DOCK2: variants seen among roughly 807,000 people sequenced by gnomAD.
The protein encoded by DOCK2 is dedicator of cytokinesis protein 2.
A neutral mutation model predicts 248.9 loss-of-function variants in DOCK2; 87 were observed. That is an observed-to-expected ratio of 0.35 (90% CI 0.29 to 0.42). The LOEUF is 0.42. Among genes scored for constraint, DOCK2 ranks in the 10% least tolerant of loss-of-function variants. DOCK2 has a pLI of 1.00. For synonymous variants in DOCK2, 805 were observed against 821.6 expected (o/e 0.98, Z 0.35); for missense variants, 1,747 against 2,300.2 (o/e 0.76, Z 4.92).
chr5:169,997,656 A>T (rs1307998776), intron 30 of DOCK2, among the ~76,000 whole-genome samples: 1 of 149,856 alleles, frequency 6.7e-6, no homozygotes, highest in Non-Finnish European at 1.5e-5. Flanking sequence ...CACCGCCCTT[A>T]ATCCATTCAA....
intron 3 of DOCK2, 55 bp downstream of exon 3, chr5:169,669,383 G>A (rs1758915649): frequency 5.0e-6 from 8 of 1,591,966 alleles, no homozygotes; most frequent in Admixed American, 5.0e-5. Flanking sequence ...ATATGGCCCC[G>A]CTATCCCATC....
chr5:169,826,820 G>A (rs956590410), intron 26 of DOCK2, among the ~76,000 whole-genome samples: 2 of 152,102 alleles, frequency 1.3e-5, no homozygotes, highest in Non-Finnish European at 2.9e-5. Flanking sequence ...TCAGGACACC[G>A]TCTCACATTT....
chr5:169,803,570 C>T (rs1767133093), intron 26 of DOCK2, among the ~76,000 whole-genome samples: 1 of 152,166 alleles, frequency 6.6e-6, no homozygotes. Context: ...TGTCTGCTTT[C>T]TTAGCTGATT....
chr5:169,990,549 C>T (rs1467812475), intron 29 of DOCK2, among the ~76,000 whole-genome samples: 1 of 152,178 alleles, frequency 6.6e-6, no homozygotes, highest in African/African-American at 2.4e-5. Flanking sequence ...GAACCGTGTC[C>T]TGTCACTGAG....
intron 27 of DOCK2, among the ~76,000 whole-genome samples, chr5:169,914,360 A>G (rs1486241780): frequency 2.6e-5 from 4 of 152,286 alleles, no homozygotes; most frequent in Middle Eastern, 3.4e-3. Flanking sequence ...TGATTCCTTC[A>G]TTCAGAAAAG....
At chr5:170,001,655 C>T (rs1197118667) in intron 30 of DOCK2, among the ~76,000 whole-genome samples, 1 of 152,114 alleles carries the variant, frequency 6.6e-6, no homozygotes, top group Non-Finnish European at 1.5e-5. Context: ...GTGCTTGGTT[C>T]GTTAATGAAC....
In DOCK2 at chr5:170,075,773, G is replaced by A. The variant is rs1757818589; in HGVS notation, c.4729-174G>A. Reference sequence around the variant, plus strand: ...CCTTTCCAGAGCAAACCTCATGTTTGCAACTTTCCCCATTTCCCATGGCTG... The same window carrying A: ...CCTTTCCAGAGCAAACCTCATGTTTACAACTTTCCCCATTTCCCATGGCTG... On this transcript the variant is annotated intron_variant, in intron 46 of 51. Transcript: ENST00000520908. 3 of 827,344 alleles carry A rather than the reference G, an allele frequency of 3.6e-6. No homozygotes were observed. In the East Asian group the frequency reaches 7.8e-5, roughly 21 times the overall value. 51.3% of individuals were successfully genotyped at this position (827,344 alleles called of 1,614,324 possible).
At chr5:169,952,077 G>A (rs188933189) in intron 27 of DOCK2, among the ~76,000 whole-genome samples, 1 of 152,174 alleles carries the variant, frequency 6.6e-6, no homozygotes, top group South Asian at 2.1e-4. Flanking sequence ...TAAGCCCCAA[G>A]GGTTTCTCCT....
chr5:169,702,644 C>T (rs1186785574), intron 14 of DOCK2: 3 of 438,354 alleles, frequency 6.8e-6, no homozygotes, highest in Non-Finnish European at 1.2e-5. Context: ...TTTTCAATGT[C>T]TGTTCCTTTC....
chr5:169,705,942 T>A (rs1250178271), intron 14 of DOCK2, among the ~76,000 whole-genome samples: 1 of 152,256 alleles, frequency 6.6e-6, no homozygotes, highest in Non-Finnish European at 1.5e-5. Context: ...GGGCTCTCAC[T>A]GTTAATTGGG....
At chr5:170,060,409 T>C (rs908628921) in intron 44 of DOCK2, among the ~76,000 whole-genome samples, 1 of 152,246 alleles carries the variant, frequency 6.6e-6, no homozygotes, top group Non-Finnish European at 1.5e-5. Flanking sequence ...TAGTAAGGGC[T>C]GTGGCAAAGT....
Position 169,747,508 on chromosome 5 carries a change from G to T in DOCK2, c.2376+4G>T. The T allele has an allele frequency of 6.2e-7, 1 of 1,609,132 alleles. No homozygotes were observed. On this transcript the variant is annotated splice_donor_region_variant and intron_variant, in intron 23 of 51. Coordinates refer to ENST00000520908, the MANE Select transcript of DOCK2 (RefSeq NM_004946.3). The stretch of plus-strand genomic sequence containing the variant: ...CAAAACTACCATCCTTTTGCAGGTT[G>T]GTTTATGCTACAATAAAATCTATCT...
At chr5:169,974,349 A>T (rs747960437) in intron 27 of DOCK2, among the ~76,000 whole-genome samples, 27 of 152,210 alleles carry the variant, frequency 1.8e-4, no homozygotes, top group Non-Finnish European at 2.9e-5. Context: ...ACACATAAAC[A>T]TCTGACTAAT....
chr5:170,077,861 C>T (rs199912452), intron 48 of DOCK2, 24 bp downstream of exon 48: 5 of 1,605,126 alleles, frequency 3.1e-6, no homozygotes, highest in African/African-American at 2.7e-5. Flanking sequence ...CCCCAAGGAG[C>T]CCCCCACACC....
chr5:169,654,346 G>A (rs1195322532), intron 1 of DOCK2, 57 bp from the exon 2 acceptor site: 4 of 1,592,242 alleles, frequency 2.5e-6, no homozygotes, highest in African/African-American at 1.3e-5. Flanking sequence ...GCAGGAAGGA[G>A]CAGAGACTAA....
intron 2 of DOCK2, among the ~76,000 whole-genome samples, chr5:169,657,448 G>A (rs959392311): frequency 2.6e-5 from 4 of 152,178 alleles, no homozygotes; most frequent in African/African-American, 9.7e-5. Context: ...CAACTGAGAG[G>A]TGAATCACAA....
At chr5:169,773,600 A>G (rs1479370239) in intron 25 of DOCK2, among the ~76,000 whole-genome samples, 2 of 152,188 alleles carry the variant, frequency 1.3e-5, no homozygotes, top group Non-Finnish European at 2.9e-5. Flanking sequence ...TAATGAGGGC[A>G]TTTATATAAA....
In DOCK2 at chr5:169,639,683, T is replaced by C. The variant is rs1462612375; in HGVS notation, c.43+2314T>C. 5.3e-5 allele frequency among the ~76,000 whole-genome samples: 8 copies of C among 152,330 alleles called. No homozygotes were observed. In the South Asian group the frequency reaches 1.7e-3, roughly 32 times the overall value. ...ATTTTCCTGAAGGCACACTTGACAT[T>C]TCTTCTTACATTACATCCTATTGGC... is the stretch of plus-strand genomic sequence containing the variant. On this transcript the variant is annotated intron_variant, in intron 1 of 51. Transcript: ENST00000520908.
At chr5:169,707,105 G>A (rs1438548388) in intron 14 of DOCK2, among the ~76,000 whole-genome samples, 1 of 152,184 alleles carries the variant, frequency 6.6e-6, no homozygotes, top group African/African-American at 2.4e-5. Context: ...AAATTGTTTG[G>A]CCTAATATAA....
Sources: gnomAD v4.1 joint callset for allele counts (sites outside exome capture counted in the v4.1 genomes callset) on GRCh38, gnomAD v4.1.1 for gene constraint, MANE v1.5 for transcripts, NCBI Gene and HGNC (gene_info 2026-07-23, HGNC 2026-07-21) for gene names.